The following TBCE variants were observed in gnomAD, a reference collection of about 807,000 sequenced individuals.
TBCE encodes tubulin-specific chaperone E.
TBCE carries 53 observed loss-of-function variants against 77.0 expected under a neutral mutation model. The ratio of observed to expected loss-of-function variants is 0.69; its 90% CI spans 0.55 to 0.87. TBCE has a LOEUF of 0.87. TBCE is among the 40% of genes least tolerant of loss of function. The pLI is 0.00. For synonymous variants in TBCE, 235 were observed against 241.3 expected (o/e 0.97, Z 0.24); for missense variants, 624 against 622.4 (o/e 1.00, Z -0.03).
At chr1:235,407,124 T>C (rs904889296) in intron 3 of TBCE, among the ~76,000 whole-genome samples, 6 of 149,890 alleles carry the variant, frequency 4.0e-5, no homozygotes, top group Admixed American at 2.7e-4. Context: ...CCACTGCACC[T>C]GGCCCCCGCC....
chr1:235,374,001 G>A (rs962217862), intron 1 of TBCE, among the ~76,000 whole-genome samples: 1 of 144,838 alleles, frequency 6.9e-6, no homozygotes. Context: ...TTGAGACTGA[G>A]TCTTTCTTTG....
intron 3 of TBCE, among the ~76,000 whole-genome samples, chr1:235,404,793 C>T (rs1157134685): frequency 1.3e-5 from 2 of 151,548 alleles, no homozygotes; most frequent in African/African-American, 4.9e-5. Context: ...TCCTGAGTAG[C>T]TGAGATTACA....
At chr1:235,379,135 G>T (rs1010503430) in intron 1 of TBCE, among the ~76,000 whole-genome samples, 9 of 152,082 alleles carry the variant, frequency 5.9e-5, no homozygotes, top group South Asian at 2.1e-4. Context: ...GTTTTTGCAG[G>T]ATTCTGTCAT....
intron 14 of TBCE, among the ~76,000 whole-genome samples, chr1:235,442,089 C>T (rs1404115445): frequency 1.3e-5 from 2 of 151,446 alleles, no homozygotes; most frequent in Admixed American, 6.6e-5. Context: ...CTCATTGCAA[C>T]CTCCGCCTCC....
At chr1:235,428,112 C>T (rs1339779772) in intron 6 of TBCE, among the ~76,000 whole-genome samples, 1 of 151,544 alleles carries the variant, frequency 6.6e-6, no homozygotes, top group Non-Finnish European at 1.5e-5. Context: ...ATCATGAGGT[C>T]AGGAGATCGA....
intron 13 of TBCE, among the ~76,000 whole-genome samples, chr1:235,440,061 C>T (rs886808512): frequency 1.3e-5 from 2 of 152,186 alleles, no homozygotes; most frequent in African/African-American, 2.4e-5. Context: ...AGCTCCGCCT[C>T]CCGGGTTCAC....
At chr1:235,430,058 ATGTGAG>A (rs67436944) in intron 6 of TBCE, 73,113 of 151,984 alleles carry the variant, frequency 0.48, 17,995 homozygotes, top group East Asian at 0.64. Context: ...TTGCATAGAC[ATGTGAG>A]TGTACAGTAA....
In TBCE at chr1:235,441,578, A is replaced by G. The variant is rs1363935325; in HGVS notation, c.1271-236A>G. 10 of 550,106 alleles carry G rather than the reference A, an allele frequency of 1.8e-5. No homozygotes were observed. In the East Asian group the frequency reaches 2.8e-4, roughly 15 times the overall value. The allele number at this position is 550,106 out of a possible 1,614,324, so 34.1% of individuals were successfully genotyped here. On this transcript the variant is annotated intron_variant, in intron 13 of 16. Coordinates refer to ENST00000642610, the MANE Select transcript of TBCE (RefSeq NM_003193.5). ...TTTTGTTGAGTTTCACTGGTCATTAACAATGAGCTAGATAAGCTACAGAGT... is the reference window on the plus strand; with the variant it reads ...TTTTGTTGAGTTTCACTGGTCATTAGCAATGAGCTAGATAAGCTACAGAGT...
rs569127770 is a variant in TBCE, at chr1:235,402,358, G to A, written c.185+771G>A. Among the ~76,000 whole-genome samples, 13 of 152,042 alleles carry A rather than the reference G, an allele frequency of 8.6e-5. No homozygotes were observed. The South Asian group carries it at 1.9e-3, about 22-fold the overall frequency. ...ATTACAGGTGTGAGCCACCACGCCC[G>A]GCCTGTCACATTGCATTTCTATTAT... is the stretch of plus-strand genomic sequence containing the variant. On this transcript the variant is annotated intron_variant, in intron 3 of 16. Coordinates refer to ENST00000642610, the MANE Select transcript of TBCE (RefSeq NM_003193.5).
chr1:235,389,837 A>G (rs910544798), intron 2 of TBCE, among the ~76,000 whole-genome samples: 2 of 151,854 alleles, frequency 1.3e-5, no homozygotes, highest in African/African-American at 4.8e-5. Flanking sequence ...TTAAAAAGAA[A>G]TGCAGACTGG....
intron 4 of TBCE, among the ~76,000 whole-genome samples, chr1:235,416,635 C>T (rs1392833581): frequency 6.6e-6 from 1 of 152,106 alleles, no homozygotes; most frequent in East Asian, 1.9e-4. Context: ...TAACAAATTG[C>T]AAATGGATTT....
chr1:235,413,697 C>T (rs1679943883), intron 3 of TBCE, among the ~76,000 whole-genome samples: 1 of 150,724 alleles, frequency 6.6e-6, no homozygotes, highest in Non-Finnish European at 1.5e-5. Context: ...TGATCGTAAG[C>T]TGAAATAGTG....
rs138458732 is a variant in TBCE, at chr1:235,412,745, C to T, written c.186-1688C>T. On this transcript the variant is annotated intron_variant, in intron 3 of 16. Transcript: ENST00000642610. ...AACCCACATCTTAGAGAAAACTGTA[C>T]GTATGTTTATGTTAACAAAATTTAT... Among the ~76,000 whole-genome samples the T allele has an allele frequency of 4.5e-3, 678 of 152,260 alleles. 6 individuals carry two copies. Among genetic ancestry groups the T allele is most frequent in the African/African-American group, 0.016 (649 of 41,552 alleles).
In TBCE at chr1:235,436,527, C is replaced by T. The variant is rs376744013; in HGVS notation, c.899-17C>T. 16 of 1,613,430 alleles carry T rather than the reference C, an allele frequency of 9.9e-6. No individual in the cohort carries two copies. Among genetic ancestry groups the T allele is most frequent in the South Asian group, 2.2e-5 (2 of 91,074 alleles). ...TACTTTCACTTCTACTGTGTAACTT[C>T]ATTCCTCTTTTTATAGGGTGCAAAA... On this transcript the variant is annotated splice_polypyrimidine_tract_variant and intron_variant, in intron 10 of 16. Transcript: ENST00000642610.
rs532765858 is a variant in TBCE at position 235,419,379 on chromosome 1, C to T, written c.372-94C>T. 8 of 1,567,134 alleles carry T rather than the reference C, an allele frequency of 5.1e-6. No individual in the cohort carries two copies. The South Asian group carries it at 7.9e-5, about 16-fold the overall frequency. On this transcript the variant is annotated intron_variant, in intron 4 of 16. Transcript: ENST00000642610. ...TGGTATTTGTATATTATTTTTGGTA[C>T]CCTTTTATATGTCTGAAATGTGTTT...
chr1:235,392,702 C>T (rs72759716), intron 2 of TBCE, among the ~76,000 whole-genome samples: 24,761 of 151,634 alleles, frequency 0.16, 2,791 homozygotes, highest in African/African-American at 0.32. Context: ...TGAGCCACCA[C>T]GCCTGGCCCA....
At chr1:235,416,863 G>C (rs1680141275) in intron 4 of TBCE, among the ~76,000 whole-genome samples, 1 of 152,190 alleles carries the variant, frequency 6.6e-6, no homozygotes, top group African/African-American at 2.4e-5. Context: ...TTGGAGTTAG[G>C]CTGGGTTCAG....
intron 13 of TBCE, 147 bp from the exon 14 acceptor site, chr1:235,441,667 A>G: frequency 1.4e-6 from 1 of 698,192 alleles, no homozygotes; most frequent in Non-Finnish European, 2.5e-6. Context: ...CACTCCTAAA[A>G]ATCACACTGA....
intron 2 of TBCE, among the ~76,000 whole-genome samples, chr1:235,385,840 G>A (rs1677967311): frequency 6.6e-6 from 1 of 152,148 alleles, no homozygotes; most frequent in Non-Finnish European, 1.5e-5. Flanking sequence ...ATTGTTATGT[G>A]TGAATTTCAT....
Sources: gnomAD v4.1 joint callset for allele counts (sites outside exome capture counted in the v4.1 genomes callset) on GRCh38, gnomAD v4.1.1 for gene constraint, MANE v1.5 for transcripts, NCBI Gene and HGNC (gene_info 2026-07-23, HGNC 2026-07-21) for gene names.